KCNK5: variants seen among roughly 807,000 people sequenced by gnomAD.
KCNK5 encodes potassium channel subfamily K member 5.
In KCNK5, 18 loss-of-function variants were observed where a neutral mutation model predicts 32.9. The observed-to-expected ratio is 0.55, with a 90% CI of 0.38 to 0.81. The LOEUF (loss-of-function observed/expected upper bound fraction) is 0.81, where lower values mean the gene tolerates loss of function less well. KCNK5 is among the 30% of genes least tolerant of loss of function. The pLI, the probability that KCNK5 is intolerant of heterozygous loss-of-function variation, is 0.00. For synonymous variants in KCNK5, 276 were observed against 275.3 expected, an observed-to-expected ratio of 1.00 and a Z score of -0.03; for missense variants, 507 against 651.0, an observed-to-expected ratio of 0.78 and a Z score of 2.41.
intron 1 of KCNK5, among the ~76,000 whole-genome samples, chr6:39,202,765 G>T (rs1771152256): frequency 6.6e-6 from 1 of 152,128 alleles, no homozygotes; most frequent in South Asian, 2.1e-4. Flanking sequence ...GGCCTCTGCA[G>T]CTCAGGTTTA....
intron 1 of KCNK5, among the ~76,000 whole-genome samples, chr6:39,223,932 A>G (rs769906350): frequency 4.9e-4 from 74 of 152,316 alleles, no homozygotes; most frequent in Non-Finnish European, 5.1e-4. Context: ...GAAACTTTCA[A>G]CACTTGCTAA....
chr6:39,214,440 G>A (rs931891308), intron 1 of KCNK5, among the ~76,000 whole-genome samples: 1 of 152,156 alleles, frequency 6.6e-6, no homozygotes, highest in Non-Finnish European at 1.5e-5. Flanking sequence ...CACTGCAGGG[G>A]CTAGTGACAG....
chr6:39,223,433 C>T (rs774052510), intron 1 of KCNK5, among the ~76,000 whole-genome samples: 3 of 152,190 alleles, frequency 2.0e-5, no homozygotes, highest in Admixed American at 6.5e-5. Context: ...CCAGAGGTCC[C>T]TGGGGACTCA....
intron 1 of KCNK5, among the ~76,000 whole-genome samples, chr6:39,197,450 G>C (rs1229993800): frequency 6.6e-6 from 1 of 152,238 alleles, no homozygotes; most frequent in African/African-American, 2.4e-5. Flanking sequence ...GGCTACGAAG[G>C]CTGTGCAGCA....
At chr6:39,215,236 G>C (rs1391484532) in intron 1 of KCNK5, among the ~76,000 whole-genome samples, 1 of 152,100 alleles carries the variant, frequency 6.6e-6, no homozygotes, top group Admixed American at 6.5e-5. Flanking sequence ...AACCCGGGGG[G>C]TGCTGACAAG....
chr6:39,218,152 C>T (rs985738138), intron 1 of KCNK5, among the ~76,000 whole-genome samples: 3 of 151,040 alleles, frequency 2.0e-5, no homozygotes, highest in East Asian at 1.9e-4. Flanking sequence ...CTCACTGCCA[C>T]CTCCGCCTCC....
chr6:39,203,025 G>A (rs968645639), intron 1 of KCNK5, among the ~76,000 whole-genome samples: 7 of 152,146 alleles, frequency 4.6e-5, no homozygotes, highest in Non-Finnish European at 7.3e-5. Context: ...TGATTCACAC[G>A]TGTGTCCGTC....
In KCNK5 at chr6:39,190,906, C is replaced by G. The variant is rs200138263; in HGVS notation, c.1484G>C (p.Ser495Thr). Residue 495 changes from serine to threonine, a missense_variant, in exon 5 of 5, where the codon AGC becomes ACC. By Grantham distance (58) the Ser-to-Thr change is moderately conservative (BLOSUM62 1). Around this residue, in one of 6 missense-constraint regions of KCNK5, gnomAD observed 252 missense variants for 250.8 expected, o/e 1.00. Coordinates refer to ENST00000359534, the MANE Select transcript of KCNK5 (RefSeq NM_003740.4). ...QLMNEYNKAN[S>T]PKGT is the part of the protein sequence containing the mutation. The stretch of plus-strand genomic sequence containing the variant: ...GGCCCTGCCTCATGTGCCCTTGGGG[C>G]TGTTAGCCTTGTTGTACTCATTCAT... The G allele has an allele frequency of 1.4e-6, 2 of 1,473,806 alleles. No individual in the cohort carries two copies. The highest frequency in any genetic ancestry group is 2.8e-5 in the African/African-American group (2 of 70,606). 91.3% of individuals were successfully genotyped at this position (1,473,806 alleles called of 1,614,324 possible).
chr6:39,226,664 A>G (rs1247175583), intron 1 of KCNK5, among the ~76,000 whole-genome samples: 1 of 152,104 alleles, frequency 6.6e-6, no homozygotes, highest in Non-Finnish European at 1.5e-5. Context: ...TTGAGTTTTC[A>G]TTTTTCCTTA....
intron 1 of KCNK5, among the ~76,000 whole-genome samples, chr6:39,212,102 A>C (rs1204697609): frequency 1.3e-5 from 2 of 152,226 alleles, no homozygotes; most frequent in Non-Finnish European, 2.9e-5. Flanking sequence ...CAGCCTAGCC[A>C]ACATGGTGAA....
At chr6:39,228,781 C>T in intron 1 of KCNK5, 145 bp downstream of exon 1, 1 of 749,864 alleles carries the variant, frequency 1.3e-6, no homozygotes, top group South Asian at 2.0e-5. Flanking sequence ...AAGCCTGACC[C>T]ATGATGAGAC....
At position 39,194,548 on chromosome 6, in the gene KCNK5, T is replaced by G; in HGVS notation, c.465+46A>C. 6.2e-7 allele frequency: 1 copy of G among 1,603,378 alleles called. No homozygotes were observed. Among genetic ancestry groups the G allele is most frequent in the South Asian group, 1.1e-5 (1 of 90,172 alleles). Reference sequence around the variant, plus strand: ...AGGCCTCCTGTCCTCCCCTCACCTGTCATGGTTCCCCCATCTCTGCCCAAC... The same window carrying G: ...AGGCCTCCTGTCCTCCCCTCACCTGGCATGGTTCCCCCATCTCTGCCCAAC... On this transcript the variant is annotated intron_variant, in intron 3 of 4. Transcript: ENST00000359534. The surrounding 1 kb of genome is among the most constrained non-coding windows in gnomAD (Gnocchi z 4.7).
intron 4 of KCNK5, among the ~76,000 whole-genome samples, chr6:39,192,803 C>T (rs1770964274): frequency 6.6e-6 from 1 of 152,172 alleles, no homozygotes; most frequent in African/African-American, 2.4e-5. Flanking sequence ...ACTACATGTA[C>T]AGGCATGTTG....
At chr6:39,214,908 C>T (rs1194850217) in intron 1 of KCNK5, among the ~76,000 whole-genome samples, 1 of 152,210 alleles carries the variant, frequency 6.6e-6, no homozygotes, top group Non-Finnish European at 1.5e-5. Flanking sequence ...CCACCAACCC[C>T]AAAGGCAGAA....
chr6:39,204,249 T>C (rs1771183135), intron 1 of KCNK5, among the ~76,000 whole-genome samples: 1 of 152,372 alleles, frequency 6.6e-6, no homozygotes, highest in South Asian at 2.1e-4. Context: ...GCCAAATCAA[T>C]GGCTGGAGGC....
Position 39,191,018 on chromosome 6 carries a change from G to A in KCNK5, c.1372C>T (p.Pro458Ser), listed in dbSNP as rs1216249738. ...GAGGGGAACTCGCCCATGTTCAGGG[G>A]CGCCTTGGCTTCAGCCCCCTGCTGG... ...SPQQGAEAKA[P>S]LNMGEFPSSS... The change falls in exon 5 of 5, where the codon CCC becomes TCC. Residue 458 changes from proline (P) to serine (S), a missense_variant. This residue lies in a region of KCNK5 where 252 missense variants were observed against 250.8 expected (regional missense o/e 1.00). Coordinates refer to ENST00000359534, the MANE Select transcript of KCNK5 (RefSeq NM_003740.4). This position sits in a 1 kb window ranked among gnomAD's most constrained non-coding sequence, Gnocchi z 5.8. 9.4e-6 allele frequency: 15 copies of A among 1,598,254 alleles called. No homozygotes were observed. Among genetic ancestry groups the A allele is most frequent in the Non-Finnish European group, 9.4e-6 (11 of 1,172,614 alleles).
rs114864747 is a variant in KCNK5 at position 39,190,269 on chromosome 6, C to T, written c.*621G>A. 0.011 allele frequency: 1,697 copies of T among 152,482 alleles called. 29 individuals are homozygous for T. The highest frequency in any genetic ancestry group is 0.046 in the Admixed American group (703 of 15,288). 9.4% of individuals were successfully genotyped at this position (152,482 alleles called of 1,614,324 possible). On this transcript the variant is annotated 3_prime_UTR_variant, in exon 5 of 5. Transcript: ENST00000359534. ...GCCCACATAGGACTTGTTTCCAGGC[C>T]CTGTGAGTCAGGACTGTTTGAGACC...
At chr6:39,196,095 A>G in intron 1 of KCNK5, 108 bp from the exon 2 acceptor site, 1 of 680,746 alleles carries the variant, frequency 1.5e-6, no homozygotes, top group South Asian at 2.5e-5. Flanking sequence ...TCATCACAAG[A>G]AGAAGGTGGC....
intron 1 of KCNK5, among the ~76,000 whole-genome samples, chr6:39,197,016 G>A (rs906074158): frequency 2.6e-5 from 4 of 152,146 alleles, no homozygotes; most frequent in Non-Finnish European, 5.9e-5. Context: ...CAGCTGGCAG[G>A]GCCTGGACCC....
Sources: allele counts gnomAD v4.1 joint callset (sites outside exome capture counted in the v4.1 genomes callset), GRCh38; gene constraint gnomAD v4.1.1; regional missense constraint gnomAD v4.1.1; non-coding constraint Gnocchi (gnomAD v3.1); transcripts MANE v1.5; gene names NCBI Gene and HGNC (gene_info 2026-07-23, HGNC 2026-07-21).